Variants in LUZP1 observed in about 807,000 individuals in gnomAD.
LUZP1 encodes the protein filamin mechanobinding actin cross-linking protein.
In LUZP1, 25 loss-of-function variants were observed where a neutral mutation model predicts 71.3. That is an observed-to-expected ratio of 0.35 (90% confidence interval 0.26 to 0.49). The LOEUF (loss-of-function observed/expected upper bound fraction) is 0.49, where lower values mean the gene tolerates loss of function less well. LUZP1 is among the 20% of genes least tolerant of loss of function. The probability of loss-of-function intolerance (pLI) is 0.99; values close to 1 mark genes in which losing one functional copy is unlikely to be tolerated. For missense variants in LUZP1, 1,142 were observed against 1,300.8 expected, an observed-to-expected ratio of 0.88 and a Z score of 1.88; for synonymous variants, 481 against 506.4, an observed-to-expected ratio of 0.95 and a Z score of 0.67.
chr1:23,090,841 C>T, intron 4 of LUZP1: 1 of 716,754 alleles, frequency 1.4e-6, no homozygotes, highest in Non-Finnish European at 2.6e-6. Context: ...TCAGCTGCAG[C>T]TGCTTCTTGT....
At chr1:23,085,085 T>C (rs1479172710) in exon 5 of LUZP1, 4 of 152,656 alleles carry the variant, frequency 2.6e-5, no homozygotes, top group Non-Finnish European at 5.9e-5. Flanking sequence ...CAAGGAGCCC[T>C]GAGCCACTGC....
intron 4 of LUZP1, among the ~76,000 whole-genome samples, chr1:23,089,829 C>T (rs6667643): frequency 0.8 from 120,751 of 150,576 alleles, 48,796 homozygotes; most frequent in Non-Finnish European, 0.83. Context: ...GGTGCGATCT[C>T]GGCTCACTGC....
At chr1:23,173,307 T>C (rs12401470) in intron 1 of LUZP1, among the ~76,000 whole-genome samples, 6 of 34,654 alleles carry the variant, frequency 1.7e-4, no homozygotes, top group African/African-American at 1.1e-3. Context: ...GTTTTTTTTC[T>C]TTTTTTTTTG....
intron 1 of LUZP1, among the ~76,000 whole-genome samples, chr1:23,170,059 G>A (rs910075377): frequency 1.1e-4 from 17 of 151,990 alleles, no homozygotes; most frequent in Admixed American, 6.6e-5. Flanking sequence ...ACCCTTTGCT[G>A]AAGCTCTTCC....
intron 2 of LUZP1, among the ~76,000 whole-genome samples, chr1:23,116,239 G>A (rs2124653553): frequency 6.6e-6 from 1 of 152,186 alleles, no homozygotes; most frequent in East Asian, 1.9e-4. Flanking sequence ...AAATTAGCCA[G>A]GTGTGGTGGC....
intron 2 of LUZP1, among the ~76,000 whole-genome samples, chr1:23,162,055 A>C (rs2148207005): frequency 6.6e-6 from 1 of 150,900 alleles, no homozygotes; most frequent in East Asian, 1.9e-4. Flanking sequence ...AAAAAGCTGA[A>C]ATTTGAATTT....
intron 3 of LUZP1, among the ~76,000 whole-genome samples, chr1:23,099,347 GAT>G (rs1643914037): frequency 6.6e-6 from 1 of 152,178 alleles, no homozygotes; most frequent in African/African-American, 2.4e-5. Context: ...GAAGACAAAT[GAT>G]ATATGATTCA....
intron 2 of LUZP1, among the ~76,000 whole-genome samples, chr1:23,134,284 C>G (rs183211802): frequency 6.6e-6 from 1 of 152,068 alleles, no homozygotes; most frequent in East Asian, 1.9e-4. Context: ...AGTCTGAGAC[C>G]AGCCTGGGCA....
intron 2 of LUZP1, among the ~76,000 whole-genome samples, chr1:23,116,975 T>A (rs540899594): frequency 1.5e-4 from 23 of 152,322 alleles, no homozygotes; most frequent in South Asian, 1.0e-3. Context: ...TACTTGGTGG[T>A]ATCAGAAGAA....
At chr1:23,118,328 G>A (rs1444195367) in intron 2 of LUZP1, among the ~76,000 whole-genome samples, 2 of 152,050 alleles carry the variant, frequency 1.3e-5, no homozygotes, top group African/African-American at 2.4e-5. Context: ...AACCCGGGAG[G>A]CGGAGGTTTC....
At chr1:23,105,599 T>A (rs1161695369) in intron 3 of LUZP1, among the ~76,000 whole-genome samples, 5 of 152,250 alleles carry the variant, frequency 3.3e-5, no homozygotes, top group Non-Finnish European at 5.9e-5. Flanking sequence ...AAGTGTCATG[T>A]AAGTTTCAGC....
intron 3 of LUZP1, among the ~76,000 whole-genome samples, chr1:23,101,997 T>C (rs890435904): frequency 1.3e-5 from 2 of 151,336 alleles, no homozygotes; most frequent in African/African-American, 2.4e-5. Context: ...TTACATAAGA[T>C]AGCACCCACC....
intron 3 of LUZP1, among the ~76,000 whole-genome samples, chr1:23,102,519 G>A (rs1643939811): frequency 6.6e-6 from 1 of 152,204 alleles, no homozygotes; most frequent in South Asian, 2.1e-4. Flanking sequence ...TGCAAACTTA[G>A]TTTGAGAGTA....
intron 2 of LUZP1, among the ~76,000 whole-genome samples, chr1:23,119,963 A>G (rs1208991132): frequency 6.6e-6 from 1 of 151,256 alleles, no homozygotes; most frequent in East Asian, 1.9e-4. Context: ...TTTTTTAAAG[A>G]CAGAGTCGTG....
chr1:23,088,862 G>A (rs1643808164), exon 5 of LUZP1: 1 of 1,605,544 alleles, frequency 6.2e-7, no homozygotes, highest in Non-Finnish European at 8.5e-7. Flanking sequence ...TGAGAAGCAG[G>A]AGCAGAGGGC....
intron 2 of LUZP1, among the ~76,000 whole-genome samples, chr1:23,130,076 T>C (rs1306247206): frequency 6.6e-6 from 1 of 152,220 alleles, no homozygotes; most frequent in East Asian, 1.9e-4. Context: ...ATGGACAGAC[T>C]GATCCACTCA....
At chr1:23,153,762 C>T (rs969456331) in intron 2 of LUZP1, among the ~76,000 whole-genome samples, 1 of 152,104 alleles carries the variant, frequency 6.6e-6, no homozygotes, top group South Asian at 2.1e-4. Context: ...AGTGAGACCT[C>T]GACTCTACTA....
chr1:23,155,511 A>C (rs1372597499), intron 2 of LUZP1, among the ~76,000 whole-genome samples: 2 of 152,368 alleles, frequency 1.3e-5, no homozygotes, highest in South Asian at 4.1e-4. Context: ...AGTTATCCTC[A>C]TTAATATCTA....
chr1:23,105,727 T>C (rs1557643080), intron 3 of LUZP1, among the ~76,000 whole-genome samples: 1 of 152,228 alleles, frequency 6.6e-6, no homozygotes, highest in African/African-American at 2.4e-5. Flanking sequence ...AGGCATGTCT[T>C]TTCTATATCT....
Sources: allele counts gnomAD v4.1 joint callset (sites outside exome capture counted in the v4.1 genomes callset), GRCh38; gene constraint gnomAD v4.1.1; transcripts MANE v1.5; gene names NCBI Gene and HGNC (gene_info 2026-07-23, HGNC 2026-07-21).